Variants in CHST8 observed in about 807,000 individuals in gnomAD.
CHST8 encodes carbohydrate sulfotransferase 8, also known as GALNAC-4-ST1.
CHST8 carries 10 observed loss-of-function variants against 15.0 expected under a neutral mutation model. That is an observed-to-expected ratio of 0.67 (90% confidence interval 0.41 to 1.13). The LOEUF is 1.13. Ranked by LOEUF, CHST8 falls within the 50% of genes most tolerant of loss-of-function variation. The pLI is 0.00. For missense variants in CHST8, 634 were observed against 608.2 expected (o/e 1.04, Z -0.45); for synonymous variants, 259 against 256.6 (o/e 1.01, Z -0.09).
At chr19:33,640,023 T>C (rs977512905) in intron 1 of CHST8, among the ~76,000 whole-genome samples, 3 of 152,016 alleles carry the variant, frequency 2.0e-5, no homozygotes, top group African/African-American at 7.2e-5. Flanking sequence ...TTTGTAGTTT[T>C]AGTAGAGACA....
chr19:33,753,004 G>A (rs970983746), intron 3 of CHST8, among the ~76,000 whole-genome samples: 7 of 152,134 alleles, frequency 4.6e-5, no homozygotes, highest in African/African-American at 1.7e-4. Context: ...TCAGCGTTCG[G>A]TGGAGAAAGA....
rs117345698 is a variant in CHST8, at chr19:33,694,739, C to G, written c.130+5348C>G. Among the ~76,000 whole-genome samples the G allele has an allele frequency of 4.5e-4, 68 of 152,226 alleles. No individual in the cohort carries two copies. The East Asian group carries it at 0.011, about 24-fold the overall frequency. On this transcript the variant is annotated intron_variant, in intron 3 of 4. Transcript: ENST00000650847. Reference sequence around the variant, plus strand: ...GGATTACAGCTGTCCACCACCACACCTAGCTAATTTTTATCTTTTTAGTAG... The same window carrying G: ...GGATTACAGCTGTCCACCACCACACGTAGCTAATTTTTATCTTTTTAGTAG...
intron 1 of CHST8, among the ~76,000 whole-genome samples, chr19:33,654,773 A>G (rs1972489464): frequency 1.3e-5 from 2 of 152,042 alleles, no homozygotes; most frequent in African/African-American, 4.8e-5. Context: ...AGCTTTGTGC[A>G]GTAACTCAGT....
Position 33,772,205 on chromosome 19 carries a change from CGGGACGCT to C in CHST8, c.420_427del (p.Thr141TrpfsTer130). Reference sequence around the variant, plus strand: ...ACGCGCCCTTCATCCGGCCGGGACCCGGGACGCTGGATGGCCGCTGGGTCAGCCTGCAC... The same window carrying C: ...ACGCGCCCTTCATCCGGCCGGGACCCGGATGGCCGCTGGGTCAGCCTGCAC... On this transcript the variant is annotated frameshift_variant, in exon 5 of 5. Transcript: ENST00000650847. LOFTEE classifies it low-confidence loss of function (END_TRUNC). 6.3e-7 allele frequency: 1 copy of C among 1,594,300 alleles called. No homozygotes were observed. Among genetic ancestry groups the C allele is most frequent in the South Asian group, 1.1e-5 (1 of 89,798 alleles).
intron 1 of CHST8, among the ~76,000 whole-genome samples, chr19:33,664,000 T>C (rs1972618615): frequency 6.6e-6 from 1 of 152,208 alleles, no homozygotes; most frequent in Non-Finnish European, 1.5e-5. Context: ...TATACACCAT[T>C]TATGGCAAAA....
intron 3 of CHST8, among the ~76,000 whole-genome samples, chr19:33,770,113 C>T (rs189186554): frequency 1.2e-3 from 184 of 152,332 alleles, no homozygotes; most frequent in African/African-American, 4.1e-3. Flanking sequence ...GTGGCTGAGT[C>T]TGTAAAACTG....
intron 3 of CHST8, among the ~76,000 whole-genome samples, chr19:33,705,843 C>G (rs1306593303): frequency 6.6e-6 from 1 of 152,128 alleles, no homozygotes; most frequent in Non-Finnish European, 1.5e-5. Context: ...GTCCCCAGTA[C>G]TAGGAGAGGG....
chr19:33,678,404 G>C (rs571221123), intron 2 of CHST8, among the ~76,000 whole-genome samples: 1 of 152,146 alleles, frequency 6.6e-6, no homozygotes, highest in Non-Finnish European at 1.5e-5. Flanking sequence ...TTCACATTGG[G>C]AGAGACCAGC....
intron 3 of CHST8, among the ~76,000 whole-genome samples, chr19:33,696,164 T>C (rs191225989): frequency 6.6e-6 from 1 of 152,286 alleles, no homozygotes; most frequent in East Asian, 1.9e-4. Context: ...TGATGGGCAC[T>C]TAGGTTGGTT....
At chr19:33,682,064 A>G (rs1972898429) in intron 2 of CHST8, among the ~76,000 whole-genome samples, 2 of 151,518 alleles carry the variant, frequency 1.3e-5, no homozygotes, top group South Asian at 4.2e-4. Flanking sequence ...TGTGTTGGCC[A>G]GGCTTGTCTT....
chr19:33,673,759 T>A (rs1972774203), intron 2 of CHST8, among the ~76,000 whole-genome samples: 2 of 152,078 alleles, frequency 1.3e-5, no homozygotes, highest in African/African-American at 4.8e-5. Flanking sequence ...CCACTTTTTT[T>A]TTATTTTTTA....
rs140202974 is a variant in CHST8 at position 33,666,289 on chromosome 19, A to ATG, written c.-163-1463_-163-1462dup. On this transcript the variant is annotated intron_variant, in intron 1 of 4. Coordinates refer to ENST00000650847, the MANE Select transcript of CHST8 (RefSeq NM_001127895.2). ...GAAGCCCTCCAGGCTGAGTGTGAGC[A>ATG]TGTGTGTGTGTGTGTGGACCCTGCA... 1.1e-3 allele frequency among the ~76,000 whole-genome samples: 169 copies of ATG among 151,424 alleles called. No individual in the cohort carries two copies. In the South Asian group the frequency reaches 0.013, roughly 11 times the overall value.
chr19:33,754,063 C>T (rs1358751500), intron 3 of CHST8, among the ~76,000 whole-genome samples: 1 of 40,644 alleles, frequency 2.5e-5, no homozygotes, highest in Admixed American at 3.1e-4. Flanking sequence ...CTCCCACCAT[C>T]CCCACACCAT....
intron 1 of CHST8, among the ~76,000 whole-genome samples, chr19:33,660,488 G>T (rs1267405997): frequency 1.3e-5 from 2 of 152,138 alleles, no homozygotes; most frequent in African/African-American, 4.8e-5. Context: ...ACAAGATCTG[G>T]TCCAGACAAG....
chr19:33,705,481 G>A (rs1342993416), intron 3 of CHST8, among the ~76,000 whole-genome samples: 4 of 152,174 alleles, frequency 2.6e-5, no homozygotes, highest in East Asian at 1.9e-4. Flanking sequence ...CTTCATTTAC[G>A]CACAGTTACT....
chr19:33,682,775 G>A (rs1972912278), intron 2 of CHST8, among the ~76,000 whole-genome samples: 1 of 152,294 alleles, frequency 6.6e-6, no homozygotes, highest in Middle Eastern at 3.4e-3. Context: ...ATTTTTTGGG[G>A]GGGTTCCTAG....
chr19:33,627,132 T>C (rs1476791206), intron 1 of CHST8, among the ~76,000 whole-genome samples: 2 of 147,900 alleles, frequency 1.4e-5, no homozygotes, highest in Admixed American at 1.4e-4. Context: ...GGAGTCTCGC[T>C]CTGTTACCCA....
chr19:33,642,656 C>A (rs1050871673), intron 1 of CHST8, among the ~76,000 whole-genome samples: 1 of 152,224 alleles, frequency 6.6e-6, no homozygotes. Context: ...AGCCACTGCG[C>A]CCAGCCAGGA....
chr19:33,720,991 G>T (rs574239192), intron 3 of CHST8, among the ~76,000 whole-genome samples: 5 of 152,366 alleles, frequency 3.3e-5, no homozygotes, highest in African/African-American at 1.2e-4. Context: ...GACCAGAGTT[G>T]CCCTGTCTGT....
Sources: allele counts gnomAD v4.1 joint callset (sites outside exome capture counted in the v4.1 genomes callset), GRCh38; gene constraint gnomAD v4.1.1; transcripts MANE v1.5; gene names NCBI Gene and HGNC (gene_info 2026-07-23, HGNC 2026-07-21).